SOX5: variants seen among roughly 807,000 people sequenced by gnomAD.
SOX5 encodes the protein SRY-box transcription factor 5.
A neutral mutation model predicts 92.0 loss-of-function variants in SOX5; 9 were observed. The ratio of observed to expected loss-of-function variants is 0.10; its 90% CI spans 0.06 to 0.17. The LOEUF (loss-of-function observed/expected upper bound fraction) is 0.17, where lower values mean the gene tolerates loss of function less well. SOX5 is among the 10% of genes least tolerant of loss of function. The probability of loss-of-function intolerance (pLI) is 1.00; values close to 1 mark genes in which losing one functional copy is unlikely to be tolerated. For missense variants in SOX5, 642 were observed against 944.5 expected (o/e 0.68, Z 4.20); for synonymous variants, 344 against 336.3 (o/e 1.02, Z -0.25).
intron 2 of SOX5, 140 bp downstream of exon 2, chr12:23,895,653 T>A: frequency 3.1e-6 from 2 of 645,640 alleles, no homozygotes; most frequent in Non-Finnish European, 2.8e-6. Context: ...ATTTAAAGAA[T>A]TCTAAGACGC....
chr12:24,523,545 T>C (rs1389720281), intron 1 of SOX5, among the ~76,000 whole-genome samples: 2 of 152,172 alleles, frequency 1.3e-5, no homozygotes, highest in African/African-American at 2.4e-5. Flanking sequence ...AATAGACATG[T>C]GGACCGATGG....
chr12:24,472,091 G>A (rs1475034353), intron 1 of SOX5, among the ~76,000 whole-genome samples: 2 of 152,202 alleles, frequency 1.3e-5, no homozygotes, highest in East Asian at 3.8e-4. Context: ...AAAATAAACA[G>A]ATATGAGTCT....
At chr12:23,891,143 C>T (rs1442402499) in intron 2 of SOX5, among the ~76,000 whole-genome samples, 1 of 152,110 alleles carries the variant, frequency 6.6e-6, no homozygotes, top group Non-Finnish European at 1.5e-5. Flanking sequence ...ATCTGTAGTG[C>T]ACTCTGAACA....
At chr12:23,948,629 T>C (rs1304041539) in intron 1 of SOX5, among the ~76,000 whole-genome samples, 3 of 151,562 alleles carry the variant, frequency 2.0e-5, no homozygotes, top group African/African-American at 7.3e-5. Context: ...CCATACAGAA[T>C]ACAAAGTTTG....
At chr12:23,823,813 C>T (rs1396367848) in intron 3 of SOX5, among the ~76,000 whole-genome samples, 1 of 152,150 alleles carries the variant, frequency 6.6e-6, no homozygotes, top group East Asian at 1.9e-4. Flanking sequence ...ATGTTCATTC[C>T]ATTTCATTCT....
chr12:24,377,736 T>C (rs191312086), intron 1 of SOX5, among the ~76,000 whole-genome samples: 41 of 152,340 alleles, frequency 2.7e-4, no homozygotes, highest in Non-Finnish European at 5.3e-4. Flanking sequence ...CTTGCCTCAG[T>C]TTCCACATCT....
At chr12:24,450,772 T>A in intron 1 of SOX5, among the ~76,000 whole-genome samples, 1 of 152,246 alleles carries the variant, frequency 6.6e-6, no homozygotes, top group East Asian at 1.9e-4. Flanking sequence ...ATTACAGGCG[T>A]GAGCCACCCA....
At chr12:24,315,770 A>G (rs922499870) in intron 2 of SOX5, among the ~76,000 whole-genome samples, 1 of 152,250 alleles carries the variant, frequency 6.6e-6, no homozygotes, top group Non-Finnish European at 1.5e-5. Flanking sequence ...AAAGTAGTTC[A>G]GATAAAAACC....
chr12:24,036,289 G>A (rs1006201884), intron 4 of SOX5, among the ~76,000 whole-genome samples: 2 of 152,006 alleles, frequency 1.3e-5, no homozygotes, highest in Non-Finnish European at 2.9e-5. Flanking sequence ...AGTGCCTCCT[G>A]GGCCTTAGGA....
intron 1 of SOX5, among the ~76,000 whole-genome samples, chr12:24,518,023 T>C (rs1376775084): frequency 2.0e-5 from 3 of 152,092 alleles, no homozygotes; most frequent in Admixed American, 6.6e-5. Flanking sequence ...CAACCTTCCA[T>C]TTTGCTTTAC....
At chr12:24,469,465 C>T (rs140091089) in intron 1 of SOX5, among the ~76,000 whole-genome samples, 9 of 152,244 alleles carry the variant, frequency 5.9e-5, no homozygotes, top group East Asian at 1.9e-4. Flanking sequence ...TCTTTATTTA[C>T]GGGTTGGGTT....
intron 4 of SOX5, among the ~76,000 whole-genome samples, chr12:24,021,140 TTCTG>T (rs1273106618): frequency 1.3e-5 from 2 of 152,160 alleles, no homozygotes; most frequent in African/African-American, 4.8e-5. Context: ...CAATAATAAC[TTCTG>T]TCTATTAAAC....
intron 6 of SOX5, among the ~76,000 whole-genome samples, chr12:23,704,087 C>T (rs2091042721): frequency 1.3e-5 from 2 of 151,912 alleles, no homozygotes; most frequent in Non-Finnish European, 2.9e-5. Context: ...TTTTCCATAA[C>T]ATAATTAATT....
At chr12:23,950,304 C>T (rs1945408962), upstream of SOX5, among the ~76,000 whole-genome samples, 2 of 151,784 alleles carry the variant, frequency 1.3e-5, no homozygotes, top group South Asian at 2.1e-4. Flanking sequence ...AACAATCAGG[C>T]ATTGTTCTGA....
intron 1 of SOX5, among the ~76,000 whole-genome samples, chr12:24,505,829 A>ATGTGTGTGTGTG (rs35993008): frequency 3.2e-5 from 4 of 124,668 alleles, no homozygotes; most frequent in Admixed American, 8.0e-5. Context: ...AAGGCTTGGT[A>ATGTGTGTGTGTG]TGTGTGTGTG....
chr12:23,649,281 GA>G lies in SOX5; in HGVS notation c.932-8385del, dbSNP rs559878134. 9.3e-4 allele frequency among the ~76,000 whole-genome samples: 137 copies of G among 146,846 alleles called. 1 individual carries two copies. Among genetic ancestry groups the G allele is most frequent in the Middle Eastern group, 3.5e-3 (1 of 284 alleles). ...AGGAAAAATACAGAAGCTGCTGTAA[GA>G]AAAAAAAAAGAGTTTTTATTGAAGT... On this transcript the variant is annotated intron_variant, in intron 7 of 14. Transcript: ENST00000451604.
At chr12:24,206,542 G>C (rs746016369) in intron 4 of SOX5, among the ~76,000 whole-genome samples, 4 of 152,028 alleles carry the variant, frequency 2.6e-5, no homozygotes, top group Non-Finnish European at 2.9e-5. Context: ...TTGTAATTAC[G>C]CTTACGGAAC....
At chr12:24,032,159 C>T (rs1955579338) in intron 4 of SOX5, among the ~76,000 whole-genome samples, 1 of 151,660 alleles carries the variant, frequency 6.6e-6, no homozygotes, top group Non-Finnish European at 1.5e-5. Context: ...AGGAAATAAA[C>T]TATGGGCAAA....
At chr12:23,732,075 T>A (rs1194892600) in intron 6 of SOX5, among the ~76,000 whole-genome samples, 1 of 152,210 alleles carries the variant, frequency 6.6e-6, no homozygotes, top group Non-Finnish European at 1.5e-5. Flanking sequence ...TATCCATTTT[T>A]AATTAAAATA....
Sources: gnomAD v4.1 joint callset for allele counts (sites outside exome capture counted in the v4.1 genomes callset) on GRCh38, gnomAD v4.1.1 for gene constraint, MANE v1.5 for transcripts, NCBI Gene and HGNC (gene_info 2026-07-23, HGNC 2026-07-21) for gene names.